SHROOM3: variants seen among roughly 807,000 people sequenced by gnomAD.
SHROOM3 encodes shroom family member 3, also known as protein Shroom3.
A neutral mutation model predicts 138.6 loss-of-function variants in SHROOM3; 47 were observed. The ratio of observed to expected loss-of-function variants is 0.34; its 90% CI spans 0.27 to 0.43. The LOEUF is 0.43. Among genes scored for constraint, SHROOM3 ranks in the 20% least tolerant of loss-of-function variants. The pLI is 1.00. For missense variants in SHROOM3, 2,491 were observed against 2,596.5 expected (o/e 0.96, Z 0.88); for synonymous variants, 1,062 against 1,063.3 (o/e 1.00, Z 0.02).
At chr4:76,492,028 A>G (rs1461768531) in intron 1 of SHROOM3, among the ~76,000 whole-genome samples, 4 of 152,232 alleles carry the variant, frequency 2.6e-5, no homozygotes, top group Non-Finnish European at 5.9e-5. Context: ...TAAAGGCCGA[A>G]CAGCCTGGCC....
intron 2 of SHROOM3, among the ~76,000 whole-genome samples, chr4:76,675,538 G>A (rs1307005696): frequency 6.6e-6 from 1 of 152,098 alleles, no homozygotes; most frequent in Admixed American, 6.5e-5. Context: ...GAATCTTACT[G>A]TCTAGTTGTC....
intron 2 of SHROOM3, among the ~76,000 whole-genome samples, chr4:76,578,521 A>T (rs2110042120): frequency 6.6e-6 from 1 of 152,306 alleles, no homozygotes; most frequent in African/African-American, 2.4e-5. Flanking sequence ...GTTGTACCTT[A>T]CTTATTTGAA....
intron 2 of SHROOM3, among the ~76,000 whole-genome samples, chr4:76,570,450 C>T (rs978599985): frequency 7.9e-5 from 12 of 152,110 alleles, no homozygotes; most frequent in Admixed American, 6.5e-4. Flanking sequence ...AAAATCCAGC[C>T]GTGTTTGGAT....
intron 9 of SHROOM3, among the ~76,000 whole-genome samples, chr4:76,763,520 G>A (rs766754164): frequency 9.9e-5 from 15 of 152,126 alleles, no homozygotes; most frequent in Non-Finnish European, 1.9e-4. Flanking sequence ...AACCAAGATC[G>A]TGCCACTCCA....
In SHROOM3 at chr4:76,741,662, C is replaced by T. The variant is rs1341339327; in HGVS notation, c.3489C>T (p.Thr1163=). The change falls in exon 5 of 11, where the codon ACC becomes ACT. Residue 1163 remains threonine, a synonymous_variant. Coordinates refer to ENST00000296043, the MANE Select transcript of SHROOM3 (RefSeq NM_020859.4). The surrounding 1 kb of genome is among the most constrained non-coding windows in gnomAD (Gnocchi z 6.2). ...TCCTGCCGGCCACAGTTGCAGAAAC[C>T]CAGCAGGCTCCCCGAGATCGCAGCA... ...ATLLPATVAE[T]QQAPRDRSSS... is the part of the protein sequence containing the mutation. 13 of 1,549,184 alleles carry T rather than the reference C, an allele frequency of 8.4e-6. No homozygotes were observed. Among genetic ancestry groups the T allele is most frequent in the Non-Finnish European group, 1.1e-5 (13 of 1,151,284 alleles).
intron 1 of SHROOM3, among the ~76,000 whole-genome samples, chr4:76,543,317 G>T (rs1410965068): frequency 1.3e-5 from 2 of 152,172 alleles, no homozygotes; most frequent in Non-Finnish European, 1.5e-5. Context: ...GAGGCTGAGG[G>T]TGGTAGAGGA....
chr4:76,731,902 G>A (rs1387717049), intron 4 of SHROOM3, among the ~76,000 whole-genome samples: 1 of 152,180 alleles, frequency 6.6e-6, no homozygotes, highest in East Asian at 1.9e-4. Context: ...CAAAGCTGCT[G>A]CATGTAATCA....
intron 2 of SHROOM3, among the ~76,000 whole-genome samples, chr4:76,649,447 G>A (rs1735906841): frequency 6.6e-6 from 1 of 152,158 alleles, no homozygotes; most frequent in Non-Finnish European, 1.5e-5. Context: ...AATGAAAAGT[G>A]GGGCAATGGA....
intron 2 of SHROOM3, among the ~76,000 whole-genome samples, chr4:76,707,706 G>A (rs537275169): frequency 1.3e-5 from 2 of 152,228 alleles, no homozygotes; most frequent in East Asian, 3.9e-4. Context: ...CAATTCCAGG[G>A]CCCTGGTTTC....
intron 2 of SHROOM3, among the ~76,000 whole-genome samples, chr4:76,608,663 T>TAGCACAGCACAGCACAGCAC: frequency 3.2e-5 from 1 of 31,386 alleles, no homozygotes; most frequent in East Asian, 1.2e-3. Flanking sequence ...TAGCATAGCA[T>TAGCACAGCACAGCACAGCAC]AGCACAGCAT....
chr4:76,675,910 T>C (rs148429465), intron 2 of SHROOM3, among the ~76,000 whole-genome samples: 4 of 152,092 alleles, frequency 2.6e-5, no homozygotes, highest in African/African-American at 9.6e-5. Context: ...GGTAGGTAAG[T>C]AGATAGATGA....
intron 2 of SHROOM3, among the ~76,000 whole-genome samples, chr4:76,672,754 A>G (rs1381017334): frequency 6.6e-6 from 1 of 152,024 alleles, no homozygotes; most frequent in Non-Finnish European, 1.5e-5. Context: ...TTGTATTTTT[A>G]GTAAAGACAG....
At chr4:76,552,392 A>G (rs1039090845) in intron 1 of SHROOM3, among the ~76,000 whole-genome samples, 2 of 150,878 alleles carry the variant, frequency 1.3e-5, no homozygotes, top group African/African-American at 4.8e-5. Flanking sequence ...CTATAGTCCT[A>G]GCTACTCAAA....
intron 2 of SHROOM3, among the ~76,000 whole-genome samples, chr4:76,598,152 G>A (rs1158612171): frequency 1.3e-5 from 2 of 151,264 alleles, no homozygotes; most frequent in Non-Finnish European, 2.9e-5. Context: ...TTAGCCTACC[G>A]AGTAGCTGGG....
intron 2 of SHROOM3, among the ~76,000 whole-genome samples, chr4:76,613,182 C>T (rs1734799910): frequency 1.3e-5 from 2 of 152,234 alleles, no homozygotes; most frequent in African/African-American, 4.8e-5. Context: ...CTAACTCCCA[C>T]CTCACCACTA....
At chr4:76,606,711 A>AATAC (rs970873821) in intron 2 of SHROOM3, among the ~76,000 whole-genome samples, 17 of 152,062 alleles carry the variant, frequency 1.1e-4, no homozygotes, top group African/African-American at 3.9e-4. Flanking sequence ...TCAAAAAATA[A>AATAC]ATACATACAT....
At chr4:76,565,159 TCAAAAAAAAAA>T (rs1733696557) in intron 2 of SHROOM3, among the ~76,000 whole-genome samples, 1 of 75,688 alleles carries the variant, frequency 1.3e-5, no homozygotes, top group Non-Finnish European at 2.7e-5. Context: ...AGACTCCATT[TCAAAAAAAAAA>T]AAAAAAAAAA....
chr4:76,496,621 G>C (rs369908698), intron 1 of SHROOM3, among the ~76,000 whole-genome samples: 1 of 152,038 alleles, frequency 6.6e-6, no homozygotes, highest in South Asian at 2.1e-4. Flanking sequence ...TATGTATTTC[G>C]ACTTGCTGTC....
At chr4:76,728,909 C>T (rs767933460) in intron 3 of SHROOM3, among the ~76,000 whole-genome samples, 2 of 151,992 alleles carry the variant, frequency 1.3e-5, no homozygotes, top group African/African-American at 2.4e-5. Context: ...CTGGGGAGCT[C>T]GGGGCTGGGC....
Sources: gnomAD v4.1 joint callset for allele counts (sites outside exome capture counted in the v4.1 genomes callset) on GRCh38, gnomAD v4.1.1 for gene constraint, Gnocchi (gnomAD v3.1) non-coding constraint, MANE v1.5 for transcripts, NCBI Gene and HGNC (gene_info 2026-07-23, HGNC 2026-07-21) for gene names.